The following NUFIP1 variants were observed in gnomAD, a reference collection of about 807,000 sequenced individuals.
The protein encoded by NUFIP1 is FMR1-interacting protein NUFIP1.
A neutral mutation model predicts 56.2 loss-of-function variants in NUFIP1; 38 were observed. That is an observed-to-expected ratio of 0.68 (90% confidence interval 0.52 to 0.89). NUFIP1 has a LOEUF of 0.89. Ranked by LOEUF, NUFIP1 falls within the 40% of genes least tolerant of loss-of-function variation. The pLI is 0.00. For missense variants in NUFIP1, 567 were observed against 605.8 expected (o/e 0.94, Z 0.67); for synonymous variants, 215 against 212.4 (o/e 1.01, Z -0.10).
At chr13:44,954,618 T>C (rs1481571152) in intron 7 of NUFIP1, among the ~76,000 whole-genome samples, 1 of 152,188 alleles carries the variant, frequency 6.6e-6, no homozygotes, top group Non-Finnish European at 1.5e-5. Context: ...CCGTACCCCC[T>C]GCCCACCAAC....
chr13:44,986,203 C>G (rs191587258), intron 1 of NUFIP1, among the ~76,000 whole-genome samples: 1 of 152,258 alleles, frequency 6.6e-6, no homozygotes, highest in East Asian at 1.9e-4. Context: ...TAAAAACCTT[C>G]TAGAAAGGAG....
Position 44,941,057 on chromosome 13 carries a change from A to G in NUFIP1, c.*149T>C, listed in dbSNP as rs1870715583. 2 of 528,300 alleles carry G rather than the reference A, an allele frequency of 3.8e-6. No individual in the cohort carries two copies. The highest frequency in any genetic ancestry group is 6.8e-6 in the Non-Finnish European group (2 of 293,140). 32.7% of individuals were successfully genotyped at this position (528,300 alleles called of 1,614,324 possible). On this transcript the variant is annotated 3_prime_UTR_variant, in exon 10 of 10. Coordinates refer to ENST00000379161, the MANE Select transcript of NUFIP1 (RefSeq NM_012345.3). Reference sequence around the variant, plus strand: ...TTTTTATTTGCATAGAACCAAAGGAAAGACTTAAAATTCCAACATACATCC... The same window carrying G: ...TTTTTATTTGCATAGAACCAAAGGAGAGACTTAAAATTCCAACATACATCC...
intron 9 of NUFIP1, among the ~76,000 whole-genome samples, chr13:44,941,591 G>A (rs1870738759): frequency 6.6e-6 from 1 of 152,026 alleles, no homozygotes; most frequent in African/African-American, 2.4e-5. Context: ...TCAGCTCACT[G>A]CAAGCTCCGC....
intron 8 of NUFIP1, among the ~76,000 whole-genome samples, chr13:44,944,352 C>T (rs188626657): frequency 6.6e-6 from 1 of 152,174 alleles, no homozygotes; most frequent in Non-Finnish European, 1.5e-5. Flanking sequence ...GTGAACATCA[C>T]CAGGGATGAA....
chr13:44,966,005 T>C (rs900382007), intron 5 of NUFIP1, 69 bp from the exon 6 acceptor site: 2 of 849,656 alleles, frequency 2.4e-6, no homozygotes, highest in East Asian at 3.1e-5. Flanking sequence ...AATCAAGCAA[T>C]TGCTGAATTT....
intron 6 of NUFIP1, 116 bp from the exon 7 acceptor site, chr13:44,959,690 T>C (rs561993490): frequency 3.8e-6 from 3 of 792,122 alleles, no homozygotes; most frequent in East Asian, 2.5e-5. Flanking sequence ...ACTTGTAGCC[T>C]AGTACATTAA....
intron 5 of NUFIP1, among the ~76,000 whole-genome samples, chr13:44,976,175 G>A (rs1420062955): frequency 6.6e-6 from 1 of 152,160 alleles, no homozygotes; most frequent in African/African-American, 2.4e-5. Context: ...ATCCCATCCA[G>A]CAGGATACAA....
chr13:44,959,722 TC>T, intron 6 of NUFIP1, 148 bp from the exon 7 acceptor site: 1 of 640,528 alleles, frequency 1.6e-6, no homozygotes, highest in Non-Finnish European at 2.6e-6. Context: ...TAAAAGAAAT[TC>T]CAGTGACTTT....
At chr13:44,961,370 T>C (rs1211635107) in intron 6 of NUFIP1, among the ~76,000 whole-genome samples, 1 of 152,226 alleles carries the variant, frequency 6.6e-6, no homozygotes, top group Admixed American at 6.5e-5. Context: ...GCCTGTTTAC[T>C]CCTTTAAACA....
intron 6 of NUFIP1, among the ~76,000 whole-genome samples, chr13:44,961,080 C>T (rs919991422): frequency 1.1e-4 from 16 of 148,176 alleles, no homozygotes; most frequent in South Asian, 8.4e-4. Flanking sequence ...AAAGAAAGCA[C>T]GTATTTATGT....
At chr13:44,955,230 T>G (rs190187761) in intron 7 of NUFIP1, among the ~76,000 whole-genome samples, 1 of 152,134 alleles carries the variant, frequency 6.6e-6, no homozygotes, top group Non-Finnish European at 1.5e-5. Context: ...AGTAAGGAAA[T>G]CTAATGACAG....
chr13:44,940,524 T>C lies in NUFIP1; in HGVS notation c.*682A>G, dbSNP rs1177090200. ...TAGAACACAAGCTCAAATTCCCTGG[T>C]ATTATAGGAGACAAAAAGATCTCAA... is the stretch of plus-strand genomic sequence containing the variant. On this transcript the variant is annotated 3_prime_UTR_variant, in exon 10 of 10. Transcript: ENST00000379161. The C allele has an allele frequency of 6.6e-6, 1 of 152,248 alleles. No individual in the cohort carries two copies. Among genetic ancestry groups the C allele is most frequent in the Admixed American group, 6.5e-5 (1 of 15,278 alleles). The allele number at this position is 152,248 out of a possible 1,614,324, so 9.4% of individuals were successfully genotyped here.
chr13:44,955,931 CAGG>C (rs1871219386), intron 7 of NUFIP1, among the ~76,000 whole-genome samples: 3 of 151,716 alleles, frequency 2.0e-5, no homozygotes, highest in Admixed American at 2.0e-4. Flanking sequence ...ATCACGAGGT[CAGG>C]AGATCGAGAC....
At chr13:44,958,123 A>G (rs1165349555) in intron 7 of NUFIP1, among the ~76,000 whole-genome samples, 1 of 152,074 alleles carries the variant, frequency 6.6e-6, no homozygotes, top group African/African-American at 2.4e-5. Flanking sequence ...CTCAAACAAT[A>G]TTTTTTTATA....
At chr13:44,985,530 A>T (rs1030656924) in intron 1 of NUFIP1, among the ~76,000 whole-genome samples, 1 of 152,140 alleles carries the variant, frequency 6.6e-6, no homozygotes, top group African/African-American at 2.4e-5. Flanking sequence ...TTCCAACAAC[A>T]ATGTGCTGTC....
intron 6 of NUFIP1, among the ~76,000 whole-genome samples, chr13:44,961,060 A>AG (rs1364250579): frequency 6.7e-6 from 1 of 150,106 alleles, no homozygotes; most frequent in Non-Finnish European, 1.5e-5. Flanking sequence ...CAGAAAAAAA[A>AG]AAAAAAAAAA....
rs754999074 is a variant in NUFIP1, at chr13:44,949,787, G to T, written c.1073C>A (p.Thr358Lys). 6.2e-7 allele frequency: 1 copy of T among 1,614,138 alleles called. No homozygotes were observed. Among genetic ancestry groups the T allele is most frequent in the South Asian group, 1.1e-5 (1 of 91,086 alleles). Residue 358 changes from threonine to lysine, a missense_variant, in exon 8 of 10, where the codon ACA becomes AAA. By Grantham distance (78) the Thr-to-Lys change is moderately conservative. Coordinates refer to ENST00000379161, the MANE Select transcript of NUFIP1 (RefSeq NM_012345.3). Reference sequence around the variant, plus strand: ...ACTCATTAGTGAGCATAGGGCTGGTGTCACTTCCTTGGGTATCACAGAATG... The same window carrying T: ...ACTCATTAGTGAGCATAGGGCTGGTTTCACTTCCTTGGGTATCACAGAATG... ...PQHSVIPKEV[T>K]PALCSLMSSY...
In NUFIP1 at chr13:44,979,882, G is replaced by T; in HGVS notation, c.657+8C>A. 6.3e-7 allele frequency: 1 copy of T among 1,583,214 alleles called. No homozygotes were observed. Among genetic ancestry groups the T allele is most frequent in the South Asian group, 1.2e-5 (1 of 84,816 alleles). ...TATTTAAAAATAGGATAAAAAAACA[G>T]AACTTACATTTCTCCAATGGAACTG... On this transcript the variant is annotated splice_region_variant and intron_variant, in intron 4 of 9. Coordinates refer to ENST00000379161, the MANE Select transcript of NUFIP1 (RefSeq NM_012345.3).
chr13:44,989,268 C>T lies in NUFIP1; in HGVS notation c.169G>A (p.Ala57Thr), dbSNP rs1164019372. 6.2e-7 allele frequency: 1 copy of T among 1,613,434 alleles called. No individual in the cohort carries two copies. The highest frequency in any genetic ancestry group is 1.3e-5 in the African/African-American group (1 of 75,050). ...GACTCAGAGGAAGGCTTTGACCCGG[C>T]TGCGGGAAGCGAGGACGTAAGTGGT... ...PPPLTSSLPAAGSKPSSESQP... is the reference protein window; with the variant it reads ...PPPLTSSLPATGSKPSSESQP... Residue 57 changes from alanine to threonine, a missense_variant, in exon 1 of 10, where the codon GCC becomes ACC. By Grantham distance (58) the Ala-to-Thr change is moderately conservative. Transcript: ENST00000379161.
Sources: gnomAD v4.1 joint callset for allele counts (sites outside exome capture counted in the v4.1 genomes callset) on GRCh38, gnomAD v4.1.1 for gene constraint, MANE v1.5 for transcripts, NCBI Gene and HGNC (gene_info 2026-07-23, HGNC 2026-07-21) for gene names.